Variants in TG observed in about 807,000 individuals in gnomAD.
TG encodes thyroid hormones.
Under a neutral mutation model 324.7 loss-of-function variants are expected in TG, and 270 were observed. The ratio of observed to expected loss-of-function variants is 0.83; its 90% CI spans 0.75 to 0.92. The LOEUF (loss-of-function observed/expected upper bound fraction) is 0.92. Ranked by LOEUF, TG falls within the 40% of genes least tolerant of loss-of-function variation. The pLI, the probability that TG is intolerant of heterozygous loss-of-function variation, is 0.00. For missense variants in TG, 3,591 were observed against 3,456.4 expected, an observed-to-expected ratio of 1.04 and a Z score of -0.98; for synonymous variants, 1,401 against 1,327.0, an observed-to-expected ratio of 1.06 and a Z score of -1.21.
intron 27 of TG, among the ~76,000 whole-genome samples, chr8:132,954,149 A>C (rs1249801935): frequency 1.3e-5 from 2 of 152,182 alleles, no homozygotes; most frequent in Non-Finnish European, 2.9e-5. Flanking sequence ...TTGGGGTGCC[A>C]GGACCTCAGT....
At chr8:132,992,354 CA>C (rs1157712146) in intron 35 of TG, among the ~76,000 whole-genome samples, 2 of 152,112 alleles carry the variant, frequency 1.3e-5, no homozygotes, top group Admixed American at 1.3e-4. Flanking sequence ...GGCCGGAGGA[CA>C]AAAAGGATGA....
At position 132,972,673 on chromosome 8, in the gene TG, G is replaced by T. The variant is rs573866267; in HGVS notation, c.6131G>T (p.Arg2044Leu). ...MCSEENGGAWRILDCGSPDIE... is the reference protein window; with the variant it reads ...MCSEENGGAWLILDCGSPDIE... ...AGTGAGGAGAATGGAGGAGCCTGGC[G>T]CATTTTGGACTGTGGCTCTCCTGAC... Residue 2044 changes from arginine to leucine, a missense_variant, in exon 34 of 48, where the codon CGC (arginine) becomes CTC (leucine). By Grantham distance (102) the Arg-to-Leu change is moderately radical. Coordinates refer to ENST00000220616, the MANE Select transcript of TG (RefSeq NM_003235.5). 68 of 1,613,430 alleles carry T rather than the reference G, an allele frequency of 4.2e-5. No homozygotes were observed. In the Middle Eastern group the frequency reaches 6.6e-4, roughly 16 times the overall value.
chr8:132,879,941 C>T (rs1814417449), intron 5 of TG, among the ~76,000 whole-genome samples: 1 of 152,202 alleles, frequency 6.6e-6, no homozygotes, highest in Non-Finnish European at 1.5e-5. Context: ...ATTAGCGAAG[C>T]ATGGAACTAG....
rs374676505 is a variant in TG, at chr8:133,115,639, C to T, written c.7755-970C>T. ...CTCTTCCAGGTAGGGACCTTTGGCC[C>T]CACTTCTCAGCTGGGAAGACAGAGA... On this transcript the variant is annotated intron_variant, in intron 44 of 47. Transcript: ENST00000220616. Among the ~76,000 whole-genome samples the T allele has an allele frequency of 1.2e-3, 180 of 152,318 alleles. 2 individuals are homozygous for T. In the South Asian group the frequency reaches 0.036, roughly 30 times the overall value.
chr8:132,919,927 G>C (rs1282461943), intron 21 of TG, among the ~76,000 whole-genome samples: 1 of 152,160 alleles, frequency 6.6e-6, no homozygotes, highest in African/African-American at 2.4e-5. Context: ...TCCAATATTA[G>C]TAGCCCAGCT....
At chr8:133,028,131 G>A (rs1239939427) in intron 40 of TG, among the ~76,000 whole-genome samples, 2 of 152,198 alleles carry the variant, frequency 1.3e-5, no homozygotes, top group Admixed American at 6.5e-5. Flanking sequence ...TACATGGGAA[G>A]GGAGAGTCAG....
intron 4 of TG, 65 bp from the exon 5 acceptor site, chr8:132,872,997 C>T: frequency 6.4e-7 from 1 of 1,566,270 alleles, no homozygotes; most frequent in Non-Finnish European, 8.8e-7. Context: ...AGTGCATATG[C>T]TGCTCGACTG....
rs531489352 is a variant in TG at position 133,009,181 on chromosome 8, C to T, written c.6263-2720C>T. Among the ~76,000 whole-genome samples, 5 of 152,324 alleles carry T rather than the reference C, an allele frequency of 3.3e-5. No homozygotes were observed. In the East Asian group the frequency reaches 9.6e-4, roughly 29 times the overall value. On this transcript the variant is annotated intron_variant, in intron 35 of 47. Transcript: ENST00000220616. ...TATGGCCAAGGCTTCCATTTTAAGA[C>T]CATAATTGGTGAGTCTAGCCCTAAA... is the stretch of plus-strand genomic sequence containing the variant.
chr8:132,986,105 A>G (rs1471952581), intron 35 of TG, among the ~76,000 whole-genome samples: 2 of 152,138 alleles, frequency 1.3e-5, no homozygotes, highest in Non-Finnish European at 2.9e-5. Context: ...AGGTCCTATT[A>G]TAATATTTGT....
intron 41 of TG, among the ~76,000 whole-genome samples, chr8:133,064,359 A>C (rs1340269159): frequency 6.6e-6 from 1 of 152,276 alleles, no homozygotes; most frequent in Non-Finnish European, 1.5e-5. Context: ...CTACAGGATC[A>C]AGGGAAGACA....
chr8:132,908,191 C>A lies in TG; in HGVS notation c.3853C>A (p.Gln1285Lys), dbSNP rs1480262082. 2 of 1,613,876 alleles carry A rather than the reference C, an allele frequency of 1.2e-6. No homozygotes were observed. Among genetic ancestry groups the A allele is most frequent in the African/African-American group, 2.7e-5 (2 of 74,938 alleles). Residue 1285 changes from glutamine to lysine, a missense_variant, in exon 18 of 48, where the codon CAG becomes AAG. Transcript: ENST00000220616. The stretch of plus-strand genomic sequence containing the variant: ...TCTCTGGTGCTTGCCTGCAGGGCCC[C>A]AGCTGTGGCAGACCATCCAGACCCA... ...LPQPRACQRP[Q>K]LWQTIQTQGH...
intron 22 of TG, among the ~76,000 whole-genome samples, chr8:132,925,620 A>G (rs1322278621): frequency 1.3e-5 from 2 of 151,850 alleles, no homozygotes; most frequent in Admixed American, 1.3e-4. Flanking sequence ...TTGGGCAGAA[A>G]AAAACAGGGG....
At chr8:132,964,973 T>G (rs757434984) in intron 29 of TG, 1 of 701,540 alleles carries the variant, frequency 1.4e-6, no homozygotes, top group East Asian at 2.7e-5. Context: ...GGGGAACACC[T>G]GTGCCAAGGC....
intron 8 of TG, among the ~76,000 whole-genome samples, chr8:132,885,010 A>G (rs2132146147): frequency 6.6e-6 from 1 of 152,178 alleles, no homozygotes; most frequent in East Asian, 1.9e-4. Flanking sequence ...GATGCTGCCA[A>G]TCTTTCCCCT....
chr8:133,072,064 G>A (rs867210023), intron 41 of TG, among the ~76,000 whole-genome samples: 2 of 152,172 alleles, frequency 1.3e-5, no homozygotes, highest in South Asian at 4.1e-4. Context: ...GCACAAGCCA[G>A]CAACAATTCT....
At chr8:133,110,539 A>G (rs1010333442) in intron 43 of TG, among the ~76,000 whole-genome samples, 24 of 152,340 alleles carry the variant, frequency 1.6e-4, no homozygotes, top group Admixed American at 5.2e-4. Context: ...TGCTTTCTTC[A>G]TCTAATAAAG....
chr8:132,944,030 A>C (rs953200947), intron 26 of TG, among the ~76,000 whole-genome samples: 7 of 152,158 alleles, frequency 4.6e-5, no homozygotes, highest in Admixed American at 4.6e-4. Context: ...TCTGCTGTCC[A>C]GATATATCCT....
chr8:132,893,982 G>T (rs776425178), intron 11 of TG, 53 bp downstream of exon 11: 78 of 1,613,466 alleles, frequency 4.8e-5, no homozygotes, highest in Non-Finnish European at 5.1e-5. Flanking sequence ...AAAAGCAGGA[G>T]CTTAAATTCG....
chr8:132,951,053 C>T (rs1826031763), intron 27 of TG, among the ~76,000 whole-genome samples: 1 of 152,188 alleles, frequency 6.6e-6, no homozygotes, highest in African/African-American at 2.4e-5. Context: ...GGCTCTCTCA[C>T]TGCCTTTCTT....
Sources: gnomAD v4.1 joint callset for allele counts (sites outside exome capture counted in the v4.1 genomes callset) on GRCh38, gnomAD v4.1.1 for gene constraint, MANE v1.5 for transcripts, NCBI Gene and HGNC (gene_info 2026-07-23, HGNC 2026-07-21) for gene names.